The following NLRP14 variants were observed in gnomAD, a reference collection of about 807,000 sequenced individuals.
The protein encoded by NLRP14 is NLR family pyrin domain containing 14.
NLRP14 carries 105 observed loss-of-function variants against 94.7 expected under a neutral mutation model. The observed-to-expected ratio is 1.11, with a 90% CI of 0.95 to 1.30. The LOEUF is 1.30. Ranked by LOEUF, NLRP14 falls within the 50% of genes most tolerant of loss-of-function variation. The pLI is 0.00. For synonymous variants in NLRP14, 508 were observed against 459.9 expected (o/e 1.10, Z -1.34); for missense variants, 1,362 against 1,254.1 (o/e 1.09, Z -1.30).
intron 8 of NLRP14, 31 bp from the exon 9 acceptor site, chr11:7,059,863 T>G (rs1210345951): frequency 6.3e-7 from 1 of 1,583,056 alleles, no homozygotes; most frequent in South Asian, 1.1e-5. Context: ...GAGCAATGAT[T>G]CCATCTTTCT....
Position 7,043,512 on chromosome 11 carries a change from G to T in NLRP14, c.1486G>T (p.Gly496Cys). The T allele has an allele frequency of 1.2e-6, 2 of 1,614,174 alleles. No homozygotes were observed. Among genetic ancestry groups the T allele is most frequent in the South Asian group, 2.2e-5 (2 of 91,084 alleles). The change falls in exon 4 of 12, where the codon GGC (glycine) becomes TGC (cysteine). Residue 496 changes from glycine (G) to cysteine (C), a missense_variant. By Grantham distance (159) the Gly-to-Cys change is radical (BLOSUM62 -3). Transcript: ENST00000299481. ...FFAAMFYMLKGSWEAGNPSCQ... is the reference protein window; with the variant it reads ...FFAAMFYMLKCSWEAGNPSCQ... ...TGCAGCTATGTTCTATATGTTGAAAGGCAGTTGGGAAGCTGGGAACCCTTC... is the reference window on the plus strand; with the variant it reads ...TGCAGCTATGTTCTATATGTTGAAATGCAGTTGGGAAGCTGGGAACCCTTC...
chr11:7,048,035 C>T (rs1419664495), intron 5 of NLRP14, among the ~76,000 whole-genome samples: 1 of 152,148 alleles, frequency 6.6e-6, no homozygotes, highest in Non-Finnish European at 1.5e-5. Context: ...GCTGGGATTA[C>T]AGGCATGAGC....
At chr11:7,060,440 T>C (rs1404502631) in intron 9 of NLRP14, among the ~76,000 whole-genome samples, 2 of 151,854 alleles carry the variant, frequency 1.3e-5, no homozygotes, top group Non-Finnish European at 2.9e-5. Flanking sequence ...TATAATTAGG[T>C]CAACTTTCAA....
intron 1 of NLRP14, among the ~76,000 whole-genome samples, chr11:7,032,029 G>A (rs946977937): frequency 2.0e-5 from 3 of 152,128 alleles, no homozygotes; most frequent in African/African-American, 4.8e-5. Flanking sequence ...TTGCCAACAC[G>A]CCAAATTCAA....
At chr11:7,030,912 T>G (rs1442600474) in intron 1 of NLRP14, among the ~76,000 whole-genome samples, 1 of 152,192 alleles carries the variant, frequency 6.6e-6, no homozygotes, top group Non-Finnish European at 1.5e-5. Flanking sequence ...TATTGAACAC[T>G]GAATCTTCTG....
At chr11:7,090,290 C>CAGAT in the NLRP14 span, 1 of 1,597,964 alleles carries the variant, frequency 6.3e-7, no homozygotes. Context: ...GAGGCCGGAG[C>CAGAT]AGATACTAAG....
chr11:7,067,563 T>C (rs1238273139), intron 10 of NLRP14, among the ~76,000 whole-genome samples: 1 of 152,228 alleles, frequency 6.6e-6, no homozygotes, highest in Non-Finnish European at 1.5e-5. Flanking sequence ...CCTGAGACTT[T>C]GCTGAAGTTG....
the NLRP14 span, among the ~76,000 whole-genome samples, chr11:7,078,693 CAGG>C: frequency 6.6e-6 from 1 of 151,842 alleles, no homozygotes; most frequent in South Asian, 2.1e-4. Context: ...GAGGCTGAAG[CAGG>C]AGAATTGCTT....
intron 9 of NLRP14, 49 bp downstream of exon 9, chr11:7,060,113 CTGG>C: frequency 6.7e-7 from 1 of 1,485,584 alleles, no homozygotes; most frequent in Non-Finnish European, 9.4e-7. Flanking sequence ...AACAGAGTGT[CTGG>C]GGAGATACTG....
At chr11:7,089,945 C>T in the NLRP14 span, 273 of 1,613,054 alleles carry the variant, frequency 1.7e-4, 2 homozygotes, top group East Asian at 5.9e-3. Context: ...ATCATCTGAG[C>T]AGAGGCTCCC....
At chr11:7,084,844 G>C in the NLRP14 span, among the ~76,000 whole-genome samples, 1 of 152,172 alleles carries the variant, frequency 6.6e-6, no homozygotes, top group Admixed American at 6.5e-5. Context: ...AGGTCATCTG[G>C]GGATCCACTT....
At chr11:7,021,781 G>T (rs1851943710) in intron 1 of NLRP14, among the ~76,000 whole-genome samples, 1 of 150,814 alleles carries the variant, frequency 6.6e-6, no homozygotes, top group African/African-American at 2.4e-5. Flanking sequence ...ATCAATTGCG[G>T]CTATTTAAAT....
chr11:7,043,376 T>C lies in NLRP14; in HGVS notation c.1350T>C (p.Leu450=). Residue 450 remains leucine, a synonymous_variant, in exon 4 of 12, where the codon CTT becomes CTC. Coordinates refer to ENST00000299481, the MANE Select transcript of NLRP14 (RefSeq NM_176822.4). The part of the protein sequence containing the change: ...YVFYRENLRR[L]GLTQSDVSSF... ...TTTACAGAGAAAATCTCAGAAGGCT[T>C]GGGTTAACTCAATCTGATGTCTCTA... 1.2e-6 allele frequency: 2 copies of C among 1,614,210 alleles called. No homozygotes were observed. The highest frequency in any genetic ancestry group is 1.7e-6 in the Non-Finnish European group (2 of 1,180,036).
chr11:7,065,089 T>C (rs548264575), intron 10 of NLRP14, among the ~76,000 whole-genome samples: 4 of 152,226 alleles, frequency 2.6e-5, no homozygotes, highest in African/African-American at 9.6e-5. Flanking sequence ...GCAAATAAAT[T>C]GGAAATATCA....
chr11:7,029,847 T>C (rs1287322267), intron 1 of NLRP14, among the ~76,000 whole-genome samples: 1 of 152,220 alleles, frequency 6.6e-6, no homozygotes, highest in Non-Finnish European at 1.5e-5. Flanking sequence ...TGAATCTTTA[T>C]AATCTAAGCT....
In NLRP14 at chr11:7,063,305, G is replaced by A. The variant is rs191159493; in HGVS notation, c.2975+802G>A. 1.9e-3 allele frequency among the ~76,000 whole-genome samples: 286 copies of A among 152,152 alleles called. 5 individuals are homozygous for A. Among genetic ancestry groups the A allele is most frequent in the Non-Finnish European group, 1.1e-3 (76 of 67,958 alleles). ...CTTAGGAGAGACAAAGGACTTTATT[G>A]CTTGTAGCAGAGCAAGAGCATGAGT... On this transcript the variant is annotated intron_variant, in intron 10 of 11. Transcript: ENST00000299481.
chr11:7,026,837 GCT>G (rs1852022442), intron 1 of NLRP14, among the ~76,000 whole-genome samples: 1 of 150,820 alleles, frequency 6.6e-6, no homozygotes, highest in African/African-American at 2.4e-5. Context: ...GGGAGGGATA[GCT>G]TTAGGAGATA....
rs1217467612 is a variant in NLRP14, at chr11:7,038,771, T to G, written c.185T>G (p.Met62Arg). ...KARREDLANL[M>R]KKYYPGEKAW... ...AGGCGGGAGGACCTGGCCAATTTGATGAAGAAATATTATCCAGGAGAGAAA... is the reference window on the plus strand; with the variant it reads ...AGGCGGGAGGACCTGGCCAATTTGAGGAAGAAATATTATCCAGGAGAGAAA... Residue 62 changes from methionine (M) to arginine (R), a missense_variant, in exon 2 of 12, where the codon ATG becomes AGG. Transcript: ENST00000299481. 6.2e-7 allele frequency: 1 copy of G among 1,613,456 alleles called. No homozygotes were observed. The highest frequency in any genetic ancestry group is 1.3e-5 in the African/African-American group (1 of 74,972).
At position 7,046,695 on chromosome 11, in the gene NLRP14, G is replaced by C; in HGVS notation, c.1986G>C (p.Trp662Cys). 2 of 1,613,674 alleles carry C rather than the reference G, an allele frequency of 1.2e-6. No homozygotes were observed. Among genetic ancestry groups the C allele is most frequent in the Non-Finnish European group, 8.5e-7 (1 of 1,179,654 alleles). ...ATGGTGATCGCATTACTCACTGTTG[G>C]CAAGATCTCTGTTCTGTGCTTCATA... ...TWDGDRITHC[W>C]QDLCSVLHTN... The change falls in exon 5 of 12, where the codon TGG becomes TGC. Residue 662 changes from tryptophan to cysteine, a missense_variant. Transcript: ENST00000299481.
Sources: gnomAD v4.1 joint callset for allele counts (sites outside exome capture counted in the v4.1 genomes callset) on GRCh38, gnomAD v4.1.1 for gene constraint, MANE v1.5 for transcripts, NCBI Gene and HGNC (gene_info 2026-07-23, HGNC 2026-07-21) for gene names.